Variants in ZNF462 observed in about 807,000 individuals in gnomAD.
ZNF462 encodes zinc finger PBX1-interacting protein.
In ZNF462, 10 loss-of-function variants were observed where a neutral mutation model predicts 201.9. That is an observed-to-expected ratio of 0.05 (90% confidence interval 0.03 to 0.08). ZNF462 has a LOEUF of 0.08. ZNF462 is among the 10% of genes least tolerant of loss of function. The probability of loss-of-function intolerance (pLI) is 1.00; values close to 1 mark genes in which losing one functional copy is unlikely to be tolerated. For missense variants in ZNF462, 2,523 were observed against 3,168.3 expected (o/e 0.80, Z 4.89); for synonymous variants, 1,227 against 1,193.3 (o/e 1.03, Z -0.58).
chr9:106,926,832 T>A lies in ZNF462; in HGVS notation c.2920T>A (p.Ser974Thr), dbSNP rs1453403468. 1.2e-6 allele frequency: 2 copies of A among 1,613,980 alleles called. No homozygotes were observed. The highest frequency in any genetic ancestry group is 2.7e-5 in the African/African-American group (2 of 74,900). ...GCAGCAGGAAGGGCTGAATACAGAA[T>A]CCCAGACCCTGAGGGAGATTCTGAA... ...VEQQEGLNTE[S>T]QTLREILNSA... is the part of the protein sequence containing the mutation. The change falls in exon 3 of 13, where the codon TCC becomes ACC. Residue 974 changes from serine (S) to threonine (T), a missense_variant. Physicochemically the swap from Ser to Thr is moderately conservative, Grantham distance 58. Transcript: ENST00000277225. The surrounding 1 kb of genome is among the most constrained non-coding windows in gnomAD (Gnocchi z 7.9).
rs1829906653 is a variant in ZNF462, at chr9:106,919,556, A to G, written c.-30-3798A>G. ...CATCTCTGGATGTTCTTTATATCTT[A>G]AAGAGTTTGTCAAACATAAACAATT... On this transcript the variant is annotated intron_variant, in intron 1 of 12. Transcript: ENST00000277225. The surrounding 1 kb of genome is among the most constrained non-coding windows in gnomAD (Gnocchi z 4.5). Among the ~76,000 whole-genome samples, 2 of 152,212 alleles carry G rather than the reference A, an allele frequency of 1.3e-5. No homozygotes were observed. The highest frequency in any genetic ancestry group is 4.8e-5 in the African/African-American group (2 of 41,442).
At position 106,925,719 on chromosome 9, in the gene ZNF462, A is replaced by G; in HGVS notation, c.1807A>G (p.Thr603Ala). Reference sequence around the variant, plus strand: ...CGCACCTCTGCACCCATACAAATGCACCATGTGTAATTACTCCACCACAAC... The same window carrying G: ...CGCACCTCTGCACCCATACAAATGCGCCATGTGTAATTACTCCACCACAAC... ...QAAPLHPYKC[T>A]MCNYSTTTLK... Residue 603 changes from threonine to alanine, a missense_variant, in exon 3 of 13, where the codon ACC becomes GCC. By Grantham distance (58) the Thr-to-Ala change is moderately conservative. This residue lies in a region of ZNF462 where 383 missense variants were observed against 453.4 expected (regional missense o/e 0.84). Coordinates refer to ENST00000277225, the MANE Select transcript of ZNF462 (RefSeq NM_021224.6). This position sits in a 1 kb window ranked among gnomAD's most constrained non-coding sequence, Gnocchi z 7.9. 1 of 1,614,126 alleles carries G rather than the reference A, an allele frequency of 6.2e-7. No individual in the cohort carries two copies. The highest frequency in any genetic ancestry group is 8.5e-7 in the Non-Finnish European group (1 of 1,180,014).
intron 10 of ZNF462, among the ~76,000 whole-genome samples, chr9:106,999,546 A>G (rs967267994): frequency 2.6e-5 from 4 of 152,168 alleles, no homozygotes; most frequent in Non-Finnish European, 5.9e-5. Context: ...TACTTGATGA[A>G]ATGCTATGTA....
chr9:106,907,993 A>T (rs942790836), intron 1 of ZNF462, among the ~76,000 whole-genome samples: 1 of 152,104 alleles, frequency 6.6e-6, no homozygotes, highest in African/African-American at 2.4e-5. Flanking sequence ...AATTTTCTCA[A>T]ATGTTTGGGA....
intron 9 of ZNF462, among the ~76,000 whole-genome samples, chr9:106,980,373 G>A (rs539128190): frequency 3.9e-5 from 6 of 152,318 alleles, no homozygotes; most frequent in African/African-American, 1.4e-4. Flanking sequence ...CAAAGTTTTG[G>A]TGGAGTGAAG....
intron 1 of ZNF462, among the ~76,000 whole-genome samples, chr9:106,894,399 C>A (rs1478757299): frequency 6.6e-6 from 1 of 152,202 alleles, no homozygotes; most frequent in Non-Finnish European, 1.5e-5. Flanking sequence ...GATATTAGTT[C>A]AGTCTTCCAT....
At position 106,977,715 on chromosome 9, in the gene ZNF462, G is replaced by A. The variant is rs1041660619; in HGVS notation, c.6832+3442G>A. 1.3e-5 allele frequency among the ~76,000 whole-genome samples: 2 copies of A among 151,482 alleles called. No individual in the cohort carries two copies. Among genetic ancestry groups the A allele is most frequent in the Admixed American group, 6.6e-5 (1 of 15,256 alleles). ...AAGACAGTGAGTGATGGGTATCTAGGTATATTTCTGTTTGTAGTAGAGAGG... is the reference window on the plus strand; with the variant it reads ...AAGACAGTGAGTGATGGGTATCTAGATATATTTCTGTTTGTAGTAGAGAGG... On this transcript the variant is annotated intron_variant, in intron 9 of 12. Transcript: ENST00000277225. The surrounding 1 kb of genome is among the most constrained non-coding windows in gnomAD (Gnocchi z 4.6).
At chr9:106,942,985 G>A (rs1190890115) in intron 7 of ZNF462, among the ~76,000 whole-genome samples, 2 of 151,508 alleles carry the variant, frequency 1.3e-5, no homozygotes, top group Non-Finnish European at 2.9e-5. Flanking sequence ...ATGCATTTAG[G>A]ACAAAAACAA....
At position 106,923,602 on chromosome 9, in the gene ZNF462, A is replaced by C; in HGVS notation, c.219A>C (p.Ser73=). 6.2e-7 allele frequency: 1 copy of C among 1,613,472 alleles called. No individual in the cohort carries two copies. The highest frequency in any genetic ancestry group is 2.2e-5 in the East Asian group (1 of 44,884). The change falls in exon 2 of 13, where the codon TCA becomes TCC. Residue 73 remains serine (S), a splice_region_variant and synonymous_variant. Transcript: ENST00000277225. This position sits in a 1 kb window ranked among gnomAD's most constrained non-coding sequence, Gnocchi z 5.6. ...AATTTGCCATTGCAGAAGATTTATC[A>C]GGTAAATCTATACTAAACTTGGCAC... ...KDEFAIAEDL[S]GQNATSLGTG... is the part of the protein sequence containing the mutation.
At chr9:106,999,339 C>G (rs1828997793) in intron 10 of ZNF462, among the ~76,000 whole-genome samples, 1 of 152,150 alleles carries the variant, frequency 6.6e-6, no homozygotes, top group African/African-American at 2.4e-5. Context: ...TTTATAAAGT[C>G]TATACCCTTT....
In ZNF462 at chr9:106,926,917, C is replaced by G; in HGVS notation, c.3005C>G (p.Ala1002Gly). The part of the protein sequence containing the change: ...TPVARGGGLP[A>G]TFNKNTPKTF... ...GTGGCTCGTGGTGGTGGTTTGCCAG[C>G]TACGTTCAACAAAAACACTCCTAAG... The change falls in exon 3 of 13, where the codon GCT (alanine) becomes GGT (glycine). Residue 1002 changes from alanine to glycine, a missense_variant. By Grantham distance (60) the Ala-to-Gly change is moderately conservative. Around this residue, in one of 15 missense-constraint regions of ZNF462, gnomAD observed 280 missense variants for 321.3 expected, o/e 0.87. Coordinates refer to ENST00000277225, the MANE Select transcript of ZNF462 (RefSeq NM_021224.6). This position sits in a 1 kb window ranked among gnomAD's most constrained non-coding sequence, Gnocchi z 7.9. 6.2e-7 allele frequency: 1 copy of G among 1,614,172 alleles called. No individual in the cohort carries two copies. Among genetic ancestry groups the G allele is most frequent in the Non-Finnish European group, 8.5e-7 (1 of 1,180,030 alleles).
intron 10 of ZNF462, among the ~76,000 whole-genome samples, chr9:106,988,789 T>C (rs1828045368): frequency 6.6e-6 from 1 of 152,122 alleles, no homozygotes; most frequent in Non-Finnish European, 1.5e-5. Context: ...TACTTTATTT[T>C]TTTGCGGCTA....
rs772359020 is a variant in ZNF462 at position 106,929,283 on chromosome 9, C to T, written c.5371C>T (p.Pro1791Ser). 6.2e-7 allele frequency: 1 copy of T among 1,614,128 alleles called. No individual in the cohort carries two copies. The highest frequency in any genetic ancestry group is 8.5e-7 in the Non-Finnish European group (1 of 1,180,026). Residue 1791 changes from proline (P) to serine (S), a missense_variant, in exon 3 of 13, where the codon CCA becomes TCA. Physicochemically the swap from Pro to Ser is moderately conservative, Grantham distance 74. Coordinates refer to ENST00000277225, the MANE Select transcript of ZNF462 (RefSeq NM_021224.6). The surrounding 1 kb of genome is among the most constrained non-coding windows in gnomAD (Gnocchi z 8.7). The stretch of plus-strand genomic sequence containing the variant: ...CGTGTCCCATTACATGAAACGCCAC[C>T]CAGGGGTGTTCCCAAAGAAGCAGCA... ...GIVSHYMKRH[P>S]GVFPKKQHAS... is the part of the protein sequence containing the mutation.
chr9:106,913,835 C>G lies in ZNF462; in HGVS notation c.-30-9519C>G, dbSNP rs1473913673. 6.6e-6 allele frequency among the ~76,000 whole-genome samples: 1 copy of G among 150,482 alleles called. No homozygotes were observed. Among genetic ancestry groups the G allele is most frequent in the East Asian group, 1.9e-4 (1 of 5,160 alleles). On this transcript the variant is annotated intron_variant, in intron 1 of 12. Coordinates refer to ENST00000277225, the MANE Select transcript of ZNF462 (RefSeq NM_021224.6). This position sits in a 1 kb window ranked among gnomAD's most constrained non-coding sequence, Gnocchi z 4.1. ...TAGGCTGGTCTCGAACTCCTTACCT[C>G]AAGTGATCTGCCCGCCTCAGCCTCC...
chr9:106,916,074 G>T (rs1829760438), intron 1 of ZNF462, among the ~76,000 whole-genome samples: 1 of 152,122 alleles, frequency 6.6e-6, no homozygotes, highest in Non-Finnish European at 1.5e-5. Context: ...CCAGATAAAA[G>T]AAGTTATTTC....
At chr9:106,871,816 T>A (rs1241735715) in intron 1 of ZNF462, among the ~76,000 whole-genome samples, 1 of 152,182 alleles carries the variant, frequency 6.6e-6, no homozygotes, top group Non-Finnish European at 1.5e-5. Context: ...AACAGCTGCA[T>A]TATTAATGGA....
At chr9:106,871,074 T>C (rs950030371) in intron 1 of ZNF462, among the ~76,000 whole-genome samples, 6 of 152,192 alleles carry the variant, frequency 3.9e-5, no homozygotes, top group African/African-American at 1.4e-4. Context: ...TGCCTTAACA[T>C]TGTACTTATT....
At chr9:106,943,909 A>G (rs1830994256) in intron 7 of ZNF462, among the ~76,000 whole-genome samples, 1 of 152,144 alleles carries the variant, frequency 6.6e-6, no homozygotes. Context: ...TGAAGATGAA[A>G]CCTTAGGGAA....
Position 106,966,497 on chromosome 9 carries a change from T to G in ZNF462, c.6428-5508T>G, listed in dbSNP as rs142365758. Among the ~76,000 whole-genome samples, 7 of 152,218 alleles carry G rather than the reference T, an allele frequency of 4.6e-5. No homozygotes were observed. Among genetic ancestry groups the G allele is most frequent in the Non-Finnish European group, 7.4e-5 (5 of 67,988 alleles). ...CTCATAGTTCTCTTGACATCCCCTC[T>G]CCATCTCTCTCACTCCCACATTCTG... On this transcript the variant is annotated intron_variant, in intron 7 of 12. Transcript: ENST00000277225. The surrounding 1 kb of genome is among the most constrained non-coding windows in gnomAD (Gnocchi z 4.4).
Sources: allele counts gnomAD v4.1 joint callset (sites outside exome capture counted in the v4.1 genomes callset), GRCh38; gene constraint gnomAD v4.1.1; regional missense constraint gnomAD v4.1.1; non-coding constraint Gnocchi (gnomAD v3.1); transcripts MANE v1.5; gene names NCBI Gene and HGNC (gene_info 2026-07-23, HGNC 2026-07-21).